CAAP1: variants seen among roughly 807,000 people sequenced by gnomAD.
CAAP1 encodes caspase activity and apoptosis inhibitor 1, also known as conserved anti-apoptotic protein.
In CAAP1, 20 loss-of-function variants were observed where a neutral mutation model predicts 34.0. The observed-to-expected ratio is 0.59, with a 90% CI of 0.41 to 0.86. CAAP1 has a LOEUF of 0.86. Ranked by LOEUF, CAAP1 falls within the 40% of genes least tolerant of loss-of-function variation. CAAP1 has a pLI of 0.00. For synonymous variants in CAAP1, 213 were observed against 166.7 expected (o/e 1.28, Z -2.14); for missense variants, 538 against 450.5 (o/e 1.19, Z -1.76).
intron 5 of CAAP1, among the ~76,000 whole-genome samples, chr9:26,851,399 A>T (rs1018032680): frequency 4.6e-5 from 7 of 152,336 alleles, no homozygotes; most frequent in African/African-American, 1.7e-4. Context: ...GTACAGAGGT[A>T]TGTGAGCCTG....
intron 4 of CAAP1, among the ~76,000 whole-genome samples, chr9:26,878,180 G>T (rs568684445): frequency 3.7e-4 from 56 of 152,198 alleles, no homozygotes; most frequent in African/African-American, 1.3e-3. Flanking sequence ...TCTTCATGCT[G>T]CACTTGATTT....
At chr9:26,869,440 A>G (rs908229887) in intron 4 of CAAP1, among the ~76,000 whole-genome samples, 2 of 152,204 alleles carry the variant, frequency 1.3e-5, no homozygotes, top group Non-Finnish European at 2.9e-5. Context: ...AGAGTTCCAT[A>G]TCATTCTACT....
At chr9:26,876,841 T>C (rs955449171) in intron 4 of CAAP1, among the ~76,000 whole-genome samples, 2 of 151,920 alleles carry the variant, frequency 1.3e-5, no homozygotes, top group Admixed American at 1.3e-4. Flanking sequence ...GGCAGGTGCA[T>C]AGAAGTTTAA....
rs1407671209 is a variant in CAAP1, at chr9:26,884,844, C to T, written c.631G>A (p.Asp211Asn). 4 of 1,609,600 alleles carry T rather than the reference C, an allele frequency of 2.5e-6. No homozygotes were observed. The highest frequency in any genetic ancestry group is 1.1e-5 in the South Asian group (1 of 90,972). The change falls in exon 4 of 6, where the codon GAT becomes AAT. Residue 211 changes from aspartate to asparagine, a missense_variant. Physicochemically the swap from Asp to Asn is conservative, Grantham distance 23. Coordinates refer to ENST00000333916, the MANE Select transcript of CAAP1 (RefSeq NM_024828.4). ...AAATCAGATCCCATCTTAGAACCAT[C>T]ATCTGCTTCCTCTTCCATATCAGAG... is the stretch of plus-strand genomic sequence containing the variant. ...MDSDMEEEAD[D>N]GSKMGSDLVS...
At position 26,842,557 on chromosome 9, in the gene CAAP1, G is replaced by T. The variant is rs762669700; in HGVS notation, c.830C>A (p.Pro277His). The T allele has an allele frequency of 6.2e-7, 1 of 1,614,134 alleles. No individual in the cohort carries two copies. Among genetic ancestry groups the T allele is most frequent in the Non-Finnish European group, 8.5e-7 (1 of 1,180,030 alleles). ...TTGGACTGTATTTTCTGGTGCCTCGGGAGCAGCTGCTTCTTCGTTGCATGG... is the reference window on the plus strand; with the variant it reads ...TTGGACTGTATTTTCTGGTGCCTCGTGAGCAGCTGCTTCTTCGTTGCATGG... ...EGPCNEEAAA[P>H]EAPENTVQSE... Residue 277 changes from proline to histidine, a missense_variant, in exon 6 of 6, where the codon CCC becomes CAC. By Grantham distance (77) the Pro-to-His change is moderately conservative (BLOSUM62 -2). Coordinates refer to ENST00000333916, the MANE Select transcript of CAAP1 (RefSeq NM_024828.4).
intron 5 of CAAP1, among the ~76,000 whole-genome samples, chr9:26,848,289 G>A (rs1335683886): frequency 1.3e-5 from 2 of 152,080 alleles, no homozygotes; most frequent in African/African-American, 2.4e-5. Context: ...CAAGATGGGC[G>A]GATCATGAGG....
intron 5 of CAAP1, among the ~76,000 whole-genome samples, chr9:26,858,331 T>C (rs1822920835): frequency 6.6e-6 from 1 of 152,224 alleles, no homozygotes. Flanking sequence ...TTCTATTTCT[T>C]GATATACCTC....
At chr9:26,861,175 T>A (rs774837408) in intron 4 of CAAP1, 36 bp from the exon 5 acceptor site, 1 of 1,446,070 alleles carries the variant, frequency 6.9e-7, no homozygotes, top group Non-Finnish European at 9.7e-7. Context: ...TTTAAAACTA[T>A]ATTTAATCAC....
At chr9:26,843,541 G>C (rs1456419020) in intron 5 of CAAP1, among the ~76,000 whole-genome samples, 4 of 150,606 alleles carry the variant, frequency 2.7e-5, no homozygotes, top group Non-Finnish European at 4.4e-5. Flanking sequence ...CAATGTGCAG[G>C]TTAGTTACAT....
chr9:26,850,223 C>T (rs1466984394), intron 5 of CAAP1, among the ~76,000 whole-genome samples: 1 of 152,178 alleles, frequency 6.6e-6, no homozygotes, highest in Non-Finnish European at 1.5e-5. Context: ...ATATTTCTTG[C>T]TACTGACTAG....
At chr9:26,865,265 C>T (rs910059055) in intron 4 of CAAP1, among the ~76,000 whole-genome samples, 4 of 152,108 alleles carry the variant, frequency 2.6e-5, no homozygotes, top group African/African-American at 7.2e-5. Context: ...TGGCTCATGC[C>T]TGTAATCCCA....
In CAAP1 at chr9:26,892,687, T is replaced by G. The variant is rs1401074786; in HGVS notation, c.29A>C (p.Lys10Thr). The G allele has an allele frequency of 6.2e-7, 1 of 1,603,278 alleles. No individual in the cohort carries two copies. The highest frequency in any genetic ancestry group is 1.1e-5 in the South Asian group (1 of 90,832). ...CTCCTGACTGCTACGTTTGCGCCGT[T>G]TCTCCCGGGAGGACTTTTTCCCCGT... MTGKKSSREKRRKRSSQEAA... is the reference protein window; with the variant it reads MTGKKSSRETRRKRSSQEAA... The change falls in exon 1 of 6, where the codon AAA (lysine) becomes ACA (threonine). Residue 10 changes from lysine (K) to threonine (T), a missense_variant. Around this residue, in one of 3 missense-constraint regions of CAAP1, gnomAD observed 514 missense variants for 408.4 expected, o/e 1.26. Coordinates refer to ENST00000333916, the MANE Select transcript of CAAP1 (RefSeq NM_024828.4).
At chr9:26,845,132 G>A (rs1822569447) in intron 5 of CAAP1, among the ~76,000 whole-genome samples, 1 of 152,046 alleles carries the variant, frequency 6.6e-6, no homozygotes, top group African/African-American at 2.4e-5. Context: ...CATTGCACCT[G>A]ACATTTTTAT....
intron 4 of CAAP1, among the ~76,000 whole-genome samples, chr9:26,861,629 G>A (rs543549229): frequency 6.6e-6 from 1 of 152,120 alleles, no homozygotes. Flanking sequence ...AGGATTAAAT[G>A]TAAGATCATG....
intron 5 of CAAP1, among the ~76,000 whole-genome samples, chr9:26,850,265 T>C (rs775484438): frequency 2.0e-5 from 3 of 152,232 alleles, no homozygotes; most frequent in Non-Finnish European, 4.4e-5. Flanking sequence ...ATAATTTACC[T>C]CACTTCTTCC....
intron 1 of CAAP1, among the ~76,000 whole-genome samples, chr9:26,888,680 T>C (rs1386587350): frequency 1.3e-5 from 2 of 152,256 alleles, no homozygotes; most frequent in African/African-American, 2.4e-5. Context: ...ATTGTGCAGC[T>C]ACTTTGGAAG....
intron 3 of CAAP1, among the ~76,000 whole-genome samples, chr9:26,885,122 G>A (rs909306543): frequency 6.8e-6 from 1 of 146,076 alleles, no homozygotes; most frequent in Non-Finnish European, 1.5e-5. Context: ...TGTCACCCCG[G>A]CTGGTGTGCA....
rs1355206278 is a variant in CAAP1 at position 26,841,050 on chromosome 9, C to A, written c.*1251G>T. The A allele has an allele frequency of 6.6e-6, 1 of 152,112 alleles. No homozygotes were observed. Among genetic ancestry groups the A allele is most frequent in the Non-Finnish European group, 1.5e-5 (1 of 67,996 alleles). 9.4% of individuals were successfully genotyped at this position (152,112 alleles called of 1,614,324 possible). ...CAACAACAACAAAAAGAATTTGTAACTGCAATTCCAGCGTTTCATAAATGT... is the reference window on the plus strand; with the variant it reads ...CAACAACAACAAAAAGAATTTGTAAATGCAATTCCAGCGTTTCATAAATGT... On this transcript the variant is annotated 3_prime_UTR_variant, in exon 6 of 6. Transcript: ENST00000333916.
intron 5 of CAAP1, among the ~76,000 whole-genome samples, chr9:26,848,919 G>A (rs1232549598): frequency 6.6e-6 from 1 of 151,684 alleles, no homozygotes; most frequent in African/African-American, 2.4e-5. Flanking sequence ...TTTTTGTTTT[G>A]TTCTGAAAAA....
Sources: gnomAD v4.1 joint callset for allele counts (sites outside exome capture counted in the v4.1 genomes callset) on GRCh38, gnomAD v4.1.1 for gene constraint, gnomAD v4.1.1 regional missense constraint, MANE v1.5 for transcripts, NCBI Gene and HGNC (gene_info 2026-07-23, HGNC 2026-07-21) for gene names.